The following SPATA13 variants were observed in gnomAD, a reference collection of about 807,000 sequenced individuals.
SPATA13 encodes the protein spermatogenesis associated 13.
Under a neutral mutation model 104.0 loss-of-function variants are expected in SPATA13, and 50 were observed. The ratio of observed to expected loss-of-function variants is 0.48; its 90% CI spans 0.38 to 0.61. The LOEUF (loss-of-function observed/expected upper bound fraction) is 0.61, where lower values mean the gene tolerates loss of function less well. Among genes scored for constraint, SPATA13 ranks in the 20% least tolerant of loss-of-function variants. SPATA13 has a pLI of 0.00. For missense variants in SPATA13, 1,524 were observed against 1,690.6 expected (o/e 0.90, Z 1.73); for synonymous variants, 606 against 667.5 (o/e 0.91, Z 1.42).
In SPATA13 at chr13:24,289,070, C is replaced by T. The variant is rs143711168; in HGVS notation, c.2739C>T (p.Asn913=). 3.3e-5 allele frequency: 53 copies of T among 1,613,878 alleles called. No individual in the cohort carries two copies. In the African/African-American group the frequency reaches 6.5e-4, roughly 20 times the overall value. The change falls in exon 8 of 13, where the codon AAC becomes AAT. Residue 913 remains asparagine (N), a synonymous_variant. Coordinates refer to ENST00000382108, the MANE Select transcript of SPATA13 (RefSeq NM_001166271.3). ...CGCAGCTAGCCACTATTTTTGGAAA[C>T]ATTGAAGATATTTACAAATTCCAAA... The part of the protein sequence containing the change: ...TVAQLATIFG[N]IEDIYKFQRK...
intron 3 of SPATA13, among the ~76,000 whole-genome samples, chr13:24,137,183 C>T (rs2138451772): frequency 6.6e-6 from 1 of 152,288 alleles, no homozygotes; most frequent in Admixed American, 6.5e-5. Context: ...CAGGTGTTGA[C>T]ATCTGGTAGT....
At chr13:24,207,449 T>G (rs977867838) in intron 1 of SPATA13, among the ~76,000 whole-genome samples, 7 of 152,136 alleles carry the variant, frequency 4.6e-5, no homozygotes, top group African/African-American at 1.7e-4. Flanking sequence ...TCTCCAGAAG[T>G]GGAATTGCTA....
chr13:24,280,816 A>C (rs1875447797), intron 4 of SPATA13, among the ~76,000 whole-genome samples: 1 of 150,806 alleles, frequency 6.6e-6, no homozygotes, highest in African/African-American at 2.4e-5. Context: ...CCCCCAACCC[A>C]CCCCCAAACT....
intron 2 of SPATA13, among the ~76,000 whole-genome samples, chr13:24,237,974 A>C (rs1365200207): frequency 6.8e-6 from 1 of 146,044 alleles, no homozygotes; most frequent in East Asian, 2.0e-4. Context: ...TTAAATATGC[A>C]ATATATAAAC....
intron 5 of SPATA13, among the ~76,000 whole-genome samples, chr13:24,284,646 A>G (rs1875792001): frequency 2.0e-5 from 3 of 152,198 alleles, no homozygotes; most frequent in Admixed American, 2.0e-4. Context: ...CCTGGGCGAC[A>G]GAGCGAGACT....
chr13:24,029,951 G>C (rs532315253), intron 3 of SPATA13, among the ~76,000 whole-genome samples: 1 of 152,132 alleles, frequency 6.6e-6, no homozygotes, highest in South Asian at 2.1e-4. Context: ...CAAAGGACAT[G>C]ATCTAATTCT....
At chr13:24,273,328 G>A (rs1874755598) in intron 4 of SPATA13, among the ~76,000 whole-genome samples, 1 of 152,166 alleles carries the variant, frequency 6.6e-6, no homozygotes, top group Non-Finnish European at 1.5e-5. Flanking sequence ...GAATACTGAT[G>A]TGAAGCTATA....
rs761279302 is a variant in SPATA13, at chr13:24,286,741, C to T, written c.2482-24C>T. ...GCTGCCCTCCCCTGCCCCAAGTCACCTGTCCCCTGTATGTGGGTTGCAGTT... is the reference window on the plus strand; with the variant it reads ...GCTGCCCTCCCCTGCCCCAAGTCACTTGTCCCCTGTATGTGGGTTGCAGTT... On this transcript the variant is annotated intron_variant, in intron 6 of 12. Coordinates refer to ENST00000382108, the MANE Select transcript of SPATA13 (RefSeq NM_001166271.3). The surrounding 1 kb of genome is among the most constrained non-coding windows in gnomAD (Gnocchi z 4.9). The T allele has an allele frequency of 4.3e-6, 7 of 1,610,490 alleles. No individual in the cohort carries two copies. The highest frequency in any genetic ancestry group is 5.9e-6 in the Non-Finnish European group (7 of 1,178,008).
intron 4 of SPATA13, among the ~76,000 whole-genome samples, chr13:24,281,618 A>ATG (rs112201673): frequency 0.047 from 7,027 of 151,072 alleles, 551 homozygotes; most frequent in African/African-American, 0.16. Context: ...AAAGGAGGTG[A>ATG]TGGTGGCTGG....
intron 3 of SPATA13, among the ~76,000 whole-genome samples, chr13:24,100,142 TA>T (rs5802263): frequency 0.5 from 75,705 of 149,918 alleles, 19,408 homozygotes; most frequent in South Asian, 0.67. Context: ...TTAAATAGTT[TA>T]AAAAAAAAAA....
At chr13:24,214,443 C>T (rs188042817) in intron 1 of SPATA13, among the ~76,000 whole-genome samples, 5 of 152,336 alleles carry the variant, frequency 3.3e-5, no homozygotes, top group Middle Eastern at 3.4e-3. Flanking sequence ...TGAGAATTTT[C>T]TCTTTACAAT....
chr13:24,136,702 C>T (rs1881582684), intron 3 of SPATA13, among the ~76,000 whole-genome samples: 1 of 152,112 alleles, frequency 6.6e-6, no homozygotes. Flanking sequence ...GAGAGATAGG[C>T]CCCAGCACAA....
intron 2 of SPATA13, among the ~76,000 whole-genome samples, chr13:23,993,517 C>T (rs762295009): frequency 5.3e-5 from 8 of 152,200 alleles, no homozygotes; most frequent in Non-Finnish European, 8.8e-5. Flanking sequence ...GATGTTGTTT[C>T]ACAGATGTCA....
chr13:24,160,765 T>C lies in SPATA13; in HGVS notation c.-279T>C. 4.1e-6 allele frequency: 4 copies of C among 985,352 alleles called. No homozygotes were observed. The highest frequency in any genetic ancestry group is 4.8e-6 in the Non-Finnish European group (4 of 829,952). 61.0% of individuals were successfully genotyped at this position (985,352 alleles called of 1,614,324 possible). ...GGAGGAGAGTGTGCGTTGCGCTTTC[T>C]CCCGCGATCGCCCTGCCGGTCGCTA... On this transcript the variant is annotated 5_prime_UTR_variant, in exon 1 of 13. Coordinates refer to ENST00000382108, the MANE Select transcript of SPATA13 (RefSeq NM_001166271.3).
At chr13:24,168,312 T>C (rs375993460) in intron 1 of SPATA13, among the ~76,000 whole-genome samples, 4 of 152,220 alleles carry the variant, frequency 2.6e-5, no homozygotes, top group South Asian at 2.1e-4. Context: ...GGTAAGGTGG[T>C]TGAATTAATG....
intron 3 of SPATA13, among the ~76,000 whole-genome samples, chr13:24,102,616 AG>A (rs1421082972): frequency 6.6e-6 from 1 of 151,814 alleles, no homozygotes; most frequent in Non-Finnish European, 1.5e-5. Flanking sequence ...CTGGGATTAT[AG>A]GTGCCCACCA....
intron 1 of SPATA13, among the ~76,000 whole-genome samples, chr13:24,198,146 CCA>C (rs1316208701): frequency 6.6e-6 from 1 of 152,148 alleles, no homozygotes; most frequent in Non-Finnish European, 1.5e-5. Context: ...CAGGCGCCCG[CCA>C]CCATGCCAGC....
rs144382923 is a variant in SPATA13 at position 24,081,265 on chromosome 13, G to A, written c.-112+63564G>A. Among the ~76,000 whole-genome samples the A allele has an allele frequency of 3.0e-3, 450 of 152,304 alleles. 7 individuals carry two copies. Among genetic ancestry groups the A allele is most frequent in the African/African-American group, 9.2e-3 (382 of 41,554 alleles). On this transcript the variant is annotated intron_variant, in intron 3 of 14. Coordinates refer to the SPATA13 transcript ENST00000424834. ...GTTTTTGGAGGGGACAAAAAGTGAAGAGTTGAGTTAATCATACAAAGTTCA... is the reference window on the plus strand; with the variant it reads ...GTTTTTGGAGGGGACAAAAAGTGAAAAGTTGAGTTAATCATACAAAGTTCA...
At chr13:24,086,943 G>A (rs1201722641) in intron 3 of SPATA13, among the ~76,000 whole-genome samples, 7 of 152,210 alleles carry the variant, frequency 4.6e-5, no homozygotes, top group Non-Finnish European at 7.3e-5. Context: ...AACAGACCCG[G>A]TCTCTAATCT....
Sources: allele counts gnomAD v4.1 joint callset (sites outside exome capture counted in the v4.1 genomes callset), GRCh38; gene constraint gnomAD v4.1.1; non-coding constraint Gnocchi (gnomAD v3.1); transcripts MANE v1.5; gene names NCBI Gene and HGNC (gene_info 2026-07-23, HGNC 2026-07-21).